Variants in SORCS2 observed in about 807,000 individuals in gnomAD.
The protein encoded by SORCS2 is sortilin related VPS10 domain containing receptor 2.
Under a neutral mutation model 141.6 loss-of-function variants are expected in SORCS2, and 100 were observed. That is an observed-to-expected ratio of 0.71 (90% CI 0.60 to 0.83). SORCS2 has a LOEUF of 0.83. Ranked by LOEUF, SORCS2 falls within the 40% of genes least tolerant of loss-of-function variation. SORCS2 has a pLI of 0.00. For missense variants in SORCS2, 1,646 were observed against 1,560.2 expected, an observed-to-expected ratio of 1.05 and a Z score of -0.93; for synonymous variants, 789 against 676.9, an observed-to-expected ratio of 1.17 and a Z score of -2.57.
intron 1 of SORCS2, among the ~76,000 whole-genome samples, chr4:7,351,708 TCCTTCTAC>T (rs2109007196): frequency 2.0e-5 from 2 of 97,974 alleles, no homozygotes; most frequent in South Asian, 8.0e-4. Flanking sequence ...CATCCATCCA[TCCTTCTAC>T]CCATCCATCT....
At chr4:7,597,625 G>T (rs1395903955) in intron 3 of SORCS2, among the ~76,000 whole-genome samples, 1 of 145,054 alleles carries the variant, frequency 6.9e-6, no homozygotes, top group Admixed American at 7.1e-5. Context: ...GGTGGTTATT[G>T]TTAAAGGGAA....
chr4:7,706,296 C>CGTCTGGGCAGGGATGAGGCTGGGCTCT (rs1725448598), intron 14 of SORCS2, among the ~76,000 whole-genome samples: 1 of 15,670 alleles, frequency 6.4e-5, no homozygotes, highest in Non-Finnish European at 1.6e-4. Context: ...GGCTGGGCTC[C>CGTCTGGGCAGGGATGAGGCTGGGCTCT]GTCTGGGCAG....
At chr4:7,395,705 C>A (rs1724168545) in intron 1 of SORCS2, among the ~76,000 whole-genome samples, 1 of 152,238 alleles carries the variant, frequency 6.6e-6, no homozygotes, top group Non-Finnish European at 1.5e-5. Flanking sequence ...ATGGTCTCAA[C>A]AACAAGAAAA....
At chr4:7,711,226 C>T (rs998188579) in intron 14 of SORCS2, among the ~76,000 whole-genome samples, 2 of 152,222 alleles carry the variant, frequency 1.3e-5, no homozygotes, top group African/African-American at 4.8e-5. Flanking sequence ...GTAATTCAAG[C>T]ATGGACCGCC....
At chr4:7,248,533 G>T (rs1045279666) in intron 1 of SORCS2, among the ~76,000 whole-genome samples, 8 of 152,230 alleles carry the variant, frequency 5.3e-5, no homozygotes, top group African/African-American at 1.7e-4. Context: ...CCTGCCAAAA[G>T]CCTTCTGGAA....
intron 3 of SORCS2, among the ~76,000 whole-genome samples, chr4:7,537,809 C>T (rs898421697): frequency 6.6e-6 from 1 of 152,102 alleles, no homozygotes; most frequent in South Asian, 2.1e-4. Context: ...GAGTTTGAGA[C>T]CAGCCTGGCC....
intron 12 of SORCS2, among the ~76,000 whole-genome samples, chr4:7,701,386 T>C (rs2109011856): frequency 6.6e-6 from 1 of 152,204 alleles, no homozygotes; most frequent in African/African-American, 2.4e-5. Context: ...CCTGGAGAAT[T>C]CCTAAGAGCA....
At position 7,735,026 on chromosome 4, in the gene SORCS2, C is replaced by T. The variant is rs147909552; in HGVS notation, c.3311+652C>T. Among the ~76,000 whole-genome samples, 522 of 152,342 alleles carry T rather than the reference C, an allele frequency of 3.4e-3. 3 individuals carry two copies. Among genetic ancestry groups the T allele is most frequent in the Non-Finnish European group, 6.1e-3 (412 of 68,030 alleles). On this transcript the variant is annotated intron_variant, in intron 25 of 26. Transcript: ENST00000507866. ...CTGTGAAATGGGTGTGATCCCCCGA[C>T]GCTGGGACGCGTCATGGCCACCCTG...
intron 1 of SORCS2, among the ~76,000 whole-genome samples, chr4:7,359,252 C>T (rs190500868): frequency 4.6e-5 from 7 of 152,154 alleles, no homozygotes; most frequent in Admixed American, 1.3e-4. Flanking sequence ...GCCAAGATGG[C>T]GCCACTGCAT....
intron 2 of SORCS2, among the ~76,000 whole-genome samples, chr4:7,436,199 G>A (rs1169859064): frequency 2.6e-5 from 4 of 152,198 alleles, no homozygotes; most frequent in African/African-American, 9.7e-5. Flanking sequence ...TCAGCTGCAG[G>A]ATGGCAGCTG....
chr4:7,661,551 A>T lies in SORCS2; in HGVS notation c.939A>T (p.Gln313His). The T allele has an allele frequency of 6.4e-7, 1 of 1,551,872 alleles. No individual in the cohort carries two copies. Among genetic ancestry groups the T allele is most frequent in the Non-Finnish European group, 8.7e-7 (1 of 1,147,098 alleles). Residue 313 changes from glutamine (Q) to histidine (H), a missense_variant, in exon 6 of 27, where the codon CAA becomes CAT. Coordinates refer to ENST00000507866, the MANE Select transcript of SORCS2 (RefSeq NM_020777.3). ...CTGACTTGGTCCACGTGGAAGCCCAAGACCTCGGTGGAGGTAAGCCGGGCA... is the reference window on the plus strand; with the variant it reads ...CTGACTTGGTCCACGTGGAAGCCCATGACCTCGGTGGAGGTAAGCCGGGCA... ...ADPDLVHVEA[Q>H]DLGGDFRYVT... is the part of the protein sequence containing the mutation.
chr4:7,250,012 C>T (rs1170536429), intron 1 of SORCS2, among the ~76,000 whole-genome samples: 7 of 152,026 alleles, frequency 4.6e-5, no homozygotes, highest in African/African-American at 9.7e-5. Context: ...GAGGCCGAGG[C>T]GGGTGAATCA....
At chr4:7,565,354 C>T (rs1395685705) in intron 3 of SORCS2, among the ~76,000 whole-genome samples, 3 of 151,876 alleles carry the variant, frequency 2.0e-5, no homozygotes, top group Non-Finnish European at 4.4e-5. Context: ...GAGGATAATG[C>T]AGATGGTGAT....
At chr4:7,277,269 C>T (rs538724988) in intron 1 of SORCS2, among the ~76,000 whole-genome samples, 68 of 152,258 alleles carry the variant, frequency 4.5e-4, no homozygotes, top group African/African-American at 1.5e-3. Flanking sequence ...TCATTTCTTT[C>T]GGAAGGAGCT....
At chr4:7,691,936 G>C (rs532901888) in intron 11 of SORCS2, among the ~76,000 whole-genome samples, 1 of 152,054 alleles carries the variant, frequency 6.6e-6, no homozygotes, top group African/African-American at 2.4e-5. Context: ...AAAGCACCGA[G>C]AGCAGCCCCC....
At chr4:7,407,636 A>G (rs4689114) in intron 2 of SORCS2, among the ~76,000 whole-genome samples, 73,802 of 151,838 alleles carry the variant, frequency 0.49, 18,056 homozygotes, top group Middle Eastern at 0.6. Context: ...TCATTCAGCC[A>G]CTCTATACCT....
intron 2 of SORCS2, among the ~76,000 whole-genome samples, chr4:7,460,370 C>T (rs1449396543): frequency 6.6e-6 from 1 of 152,232 alleles, no homozygotes; most frequent in Non-Finnish European, 1.5e-5. Context: ...TTCCACGGGC[C>T]CCTGCACACT....
chr4:7,347,901 A>G (rs140078027), intron 1 of SORCS2, among the ~76,000 whole-genome samples: 5 of 152,368 alleles, frequency 3.3e-5, no homozygotes, highest in African/African-American at 7.2e-5. Context: ...GTAAATTTCA[A>G]TTCATTATTA....
At chr4:7,413,392 T>C (rs1287477979) in intron 2 of SORCS2, among the ~76,000 whole-genome samples, 4 of 13,302 alleles carry the variant, frequency 3.0e-4, no homozygotes, top group African/African-American at 4.9e-4. Flanking sequence ...TCACAGCTGC[T>C]TTTTTTTTTT....
Sources: allele counts gnomAD v4.1 joint callset (sites outside exome capture counted in the v4.1 genomes callset), GRCh38; gene constraint gnomAD v4.1.1; transcripts MANE v1.5; gene names NCBI Gene and HGNC (gene_info 2026-07-23, HGNC 2026-07-21).